CDH4: variants seen among roughly 807,000 people sequenced by gnomAD.
The protein encoded by CDH4 is cadherin-4.
A neutral mutation model predicts 86.0 loss-of-function variants in CDH4; 33 were observed. That is an observed-to-expected ratio of 0.38 (90% CI 0.29 to 0.51). The LOEUF is 0.51. CDH4 is among the 20% of genes least tolerant of loss of function. The pLI, the probability that CDH4 is intolerant of heterozygous loss-of-function variation, is 0.86. For missense variants in CDH4, 1,114 were observed against 1,307.4 expected, an observed-to-expected ratio of 0.85 and a Z score of 2.28; for synonymous variants, 555 against 549.4, an observed-to-expected ratio of 1.01 and a Z score of -0.14.
intron 2 of CDH4, among the ~76,000 whole-genome samples, chr20:61,317,573 T>TG: frequency 6.6e-6 from 1 of 151,990 alleles, no homozygotes. Flanking sequence ...GCCACAGGCA[T>TG]GGGGGGCTGG....
chr20:61,570,403 G>A, intron 2 of CDH4: 2 of 437,860 alleles, frequency 4.6e-6, no homozygotes, highest in South Asian at 3.6e-5. Context: ...GGGCCTGGCT[G>A]CAGACGTACA....
intron 4 of CDH4, among the ~76,000 whole-genome samples, chr20:61,798,394 C>T (rs550081701): frequency 3.3e-5 from 5 of 152,370 alleles, no homozygotes; most frequent in Admixed American, 6.5e-5. Context: ...GTCCTCAGCC[C>T]GTCCGGACCC....
At chr20:61,762,892 C>T (rs66805842) in intron 3 of CDH4, among the ~76,000 whole-genome samples, 9,014 of 152,318 alleles carry the variant, frequency 0.059, 332 homozygotes, top group South Asian at 0.1. Flanking sequence ...TGACACAGAG[C>T]ACCTTGACCA....
intron 2 of CDH4, among the ~76,000 whole-genome samples, chr20:61,348,750 C>T (rs1368554055): frequency 6.6e-6 from 1 of 152,200 alleles, no homozygotes. Context: ...AGTATAAAAG[C>T]TCTTGTCACT....
chr20:61,844,327 T>G (rs563721229), intron 4 of CDH4, among the ~76,000 whole-genome samples: 3 of 152,310 alleles, frequency 2.0e-5, no homozygotes, highest in South Asian at 2.1e-4. Flanking sequence ...TTCTTGCCTT[T>G]GTCTAGTCCT....
chr20:61,561,812 A>G (rs1224600908), intron 2 of CDH4, among the ~76,000 whole-genome samples: 1 of 152,250 alleles, frequency 6.6e-6, no homozygotes, highest in African/African-American at 2.4e-5. Context: ...ATGGACAAGA[A>G]GAGAAAAACA....
chr20:61,383,034 G>A (rs1399429863), intron 2 of CDH4, among the ~76,000 whole-genome samples: 2 of 144,972 alleles, frequency 1.4e-5, no homozygotes, highest in Non-Finnish European at 3.0e-5. Context: ...CAGTTCTCTA[G>A]AGGGACAGAA....
At chr20:61,644,708 A>C (rs1392611558) in intron 2 of CDH4, among the ~76,000 whole-genome samples, 1 of 152,188 alleles carries the variant, frequency 6.6e-6, no homozygotes. Flanking sequence ...CAATCCGTCT[A>C]TGTGGTGGGG....
chr20:61,433,717 C>A (rs1021744806), intron 2 of CDH4, among the ~76,000 whole-genome samples: 1 of 152,084 alleles, frequency 6.6e-6, no homozygotes, highest in African/African-American at 2.4e-5. Context: ...TCCCGTCGGT[C>A]CCTGAGAGCT....
intron 3 of CDH4, among the ~76,000 whole-genome samples, chr20:61,765,486 G>T (rs1274459402): frequency 6.6e-6 from 1 of 152,194 alleles, no homozygotes; most frequent in African/African-American, 2.4e-5. Context: ...ACAGTTGTGG[G>T]GCTCACAGAT....
intron 2 of CDH4, among the ~76,000 whole-genome samples, chr20:61,514,247 A>G (rs945232415): frequency 7.9e-5 from 12 of 152,082 alleles, no homozygotes; most frequent in Non-Finnish European, 1.6e-4. Flanking sequence ...GACTTTCTTC[A>G]GACCCCTCAG....
intron 2 of CDH4, among the ~76,000 whole-genome samples, chr20:61,449,375 T>C (rs548276373): frequency 1.8e-4 from 27 of 152,354 alleles, no homozygotes; most frequent in Middle Eastern, 3.4e-3. Context: ...TCCCAAGCTC[T>C]GTGCAAAGGC....
intron 7 of CDH4, among the ~76,000 whole-genome samples, chr20:61,883,185 C>A (rs6089541): frequency 6.6e-6 from 1 of 151,484 alleles, no homozygotes; most frequent in Non-Finnish European, 1.5e-5. Context: ...CACAGCTCGA[C>A]AGCCACATGT....
chr20:61,860,302 G>A (rs958263507), intron 6 of CDH4, among the ~76,000 whole-genome samples: 7 of 152,202 alleles, frequency 4.6e-5, no homozygotes, highest in South Asian at 2.1e-4. Context: ...CGAGGTCCAC[G>A]GGGTCCTTGC....
chr20:61,688,672 C>T (rs879691443), intron 2 of CDH4, among the ~76,000 whole-genome samples: 1 of 152,262 alleles, frequency 6.6e-6, no homozygotes, highest in Non-Finnish European at 1.5e-5. Context: ...TAACCATGTG[C>T]ATGCCGCCTC....
At chr20:61,412,489 A>G (rs1173171120) in intron 2 of CDH4, among the ~76,000 whole-genome samples, 1 of 152,232 alleles carries the variant, frequency 6.6e-6, no homozygotes, top group East Asian at 1.9e-4. Context: ...TCAGCATAGC[A>G]TTCAAGGTCC....
intron 2 of CDH4, among the ~76,000 whole-genome samples, chr20:61,680,782 C>T (rs1411295035): frequency 1.3e-5 from 2 of 152,138 alleles, no homozygotes; most frequent in Non-Finnish European, 2.9e-5. Context: ...GGACCTCGGA[C>T]AGCCTCAGCC....
At chr20:61,422,481 A>G (rs1280662769) in intron 2 of CDH4, among the ~76,000 whole-genome samples, 2 of 139,594 alleles carry the variant, frequency 1.4e-5, no homozygotes, top group South Asian at 2.4e-4. Context: ...AATCTCCCCA[A>G]GTGTCTTCTT....
chr20:61,264,556 C>T lies in CDH4; in HGVS notation c.169+9619C>T, dbSNP rs2084145989. Among the ~76,000 whole-genome samples, 2 of 147,460 alleles carry T rather than the reference C, an allele frequency of 1.4e-5. 1 individual carries two copies. Among genetic ancestry groups the T allele is most frequent in the African/African-American group, 5.1e-5 (2 of 39,078 alleles). ...AGTGGCTCCTTCATTCAATCTTATACATACCTCAGTGGTTCCTTCATTCAA... is the reference window on the plus strand; with the variant it reads ...AGTGGCTCCTTCATTCAATCTTATATATACCTCAGTGGTTCCTTCATTCAA... On this transcript the variant is annotated intron_variant, in intron 2 of 15. Transcript: ENST00000614565.
Sources: allele counts gnomAD v4.1 joint callset (sites outside exome capture counted in the v4.1 genomes callset), GRCh38; gene constraint gnomAD v4.1.1; transcripts MANE v1.5; gene names NCBI Gene and HGNC (gene_info 2026-07-23, HGNC 2026-07-21).